The following USP40 variants were observed in gnomAD, a reference collection of about 807,000 sequenced individuals.
The protein encoded by USP40 is ubiquitin carboxyl-terminal hydrolase 40.
A neutral mutation model predicts 166.2 loss-of-function variants in USP40; 143 were observed. The ratio of observed to expected loss-of-function variants is 0.86; its 90% CI spans 0.75 to 0.99. USP40 has a LOEUF of 0.99. Among genes scored for constraint, USP40 ranks in the 50% least tolerant of loss-of-function variants. USP40 has a pLI of 0.00. For synonymous variants in USP40, 498 were observed against 524.0 expected (o/e 0.95, Z 0.68); for missense variants, 1,444 against 1,479.7 (o/e 0.98, Z 0.40).
chr2:233,499,838 T>C lies in USP40; in HGVS notation c.2650+41A>G, dbSNP rs752169199. On this transcript the variant is annotated intron_variant, in intron 22 of 31. Transcript: ENST00000678225. ...AAAAAAAAAGTCAAAAAAATTTTTATTAGGCTTTTAAGTAATATGTCATCA... is the reference window on the plus strand; with the variant it reads ...AAAAAAAAAGTCAAAAAAATTTTTACTAGGCTTTTAAGTAATATGTCATCA... 11 of 1,575,770 alleles carry C rather than the reference T, an allele frequency of 7.0e-6. No individual in the cohort carries two copies. In the South Asian group the frequency reaches 1.3e-4, roughly 19 times the overall value.
chr2:233,485,705 T>G, intron 29 of USP40, 62 bp downstream of exon 29: 1 of 1,602,116 alleles, frequency 6.2e-7, no homozygotes. Context: ...TGTGAAAAAT[T>G]GCATAACCTC....
At chr2:233,479,954 C>G (rs898417948) in intron 31 of USP40, among the ~76,000 whole-genome samples, 2 of 152,186 alleles carry the variant, frequency 1.3e-5, no homozygotes, top group Non-Finnish European at 2.9e-5. Flanking sequence ...CCTCCATCTT[C>G]ACTCAGGGAG....
chr2:233,481,203 C>A lies in USP40; in HGVS notation c.3599G>T (p.Ser1200Ile). ...QKQRALGRRK[S>I]QEALHEQSSY... ...CATCTGTGCAGACCCCAGCAATTAC[C>A]TTTTCCTTCTCCCCAGGGCCCGTTG... is the stretch of plus-strand genomic sequence containing the variant. The change falls in exon 31 of 32, where the codon AGC (serine) becomes ATC (isoleucine). Residue 1200 changes from serine to isoleucine, a missense_variant and splice_region_variant. Physicochemically the swap from Ser to Ile is moderately radical, Grantham distance 142. Coordinates refer to ENST00000678225, the MANE Select transcript of USP40 (RefSeq NM_001365479.2). The A allele has an allele frequency of 6.2e-7, 1 of 1,600,300 alleles. No individual in the cohort carries two copies.
chr2:233,566,153 G>A (rs2072123364), intron 1 of USP40, among the ~76,000 whole-genome samples: 1 of 152,038 alleles, frequency 6.6e-6, no homozygotes, highest in Non-Finnish European at 1.5e-5. Context: ...CAGTTCACTG[G>A]GGAGGGAGGG....
At chr2:233,491,886 T>C (rs1380189990) in intron 25 of USP40, among the ~76,000 whole-genome samples, 1 of 152,228 alleles carries the variant, frequency 6.6e-6, no homozygotes, top group Non-Finnish European at 1.5e-5. Context: ...ATTTAGACTG[T>C]CTTCACTTAT....
chr2:233,543,776 C>T (rs1303441475), intron 8 of USP40, among the ~76,000 whole-genome samples: 2 of 152,212 alleles, frequency 1.3e-5, no homozygotes, highest in African/African-American at 4.8e-5. Context: ...TTACAAATTA[C>T]CCAGCCTAAG....
At position 233,489,231 on chromosome 2, in the gene USP40, G is replaced by A. The variant is rs2065146331; in HGVS notation, c.3131+134C>T. 27 of 811,482 alleles carry A rather than the reference G, an allele frequency of 3.3e-5. No homozygotes were observed. In the South Asian group the frequency reaches 3.7e-4, roughly 11 times the overall value. The allele number at this position is 811,482 out of a possible 1,614,324, so 50.3% of individuals were successfully genotyped here. A position where few individuals can be genotyped will look rare whatever the true frequency, so the allele number is the denominator to read the frequency against. On this transcript the variant is annotated intron_variant, in intron 27 of 31. Coordinates refer to ENST00000678225, the MANE Select transcript of USP40 (RefSeq NM_001365479.2). ...GTTTATGATGAAAAGTGTCACCCAAGTCACAAGCGTGGCATGACCAGGAAT... is the reference window on the plus strand; with the variant it reads ...GTTTATGATGAAAAGTGTCACCCAAATCACAAGCGTGGCATGACCAGGAAT...
intron 22 of USP40, 87 bp from the exon 23 acceptor site, chr2:233,498,699 G>A (rs2065886616): frequency 8.9e-7 from 1 of 1,119,012 alleles, no homozygotes; most frequent in Non-Finnish European, 1.3e-6. Flanking sequence ...CTTGCACCCA[G>A]AGCACCTTAA....
chr2:233,488,159 A>G, intron 28 of USP40, 80 bp downstream of exon 28: 1 of 1,181,408 alleles, frequency 8.5e-7, no homozygotes, highest in Admixed American at 2.0e-5. Context: ...ATGCTACACT[A>G]TGAAGTTGTT....
chr2:233,484,210 C>T (rs980289962), intron 30 of USP40, among the ~76,000 whole-genome samples: 3 of 152,122 alleles, frequency 2.0e-5, no homozygotes, highest in Non-Finnish European at 4.4e-5. Flanking sequence ...CTCTAGTGTA[C>T]GAATTTATGC....
chr2:233,496,301 CAT>C (rs1273034917), intron 24 of USP40, among the ~76,000 whole-genome samples: 1 of 152,230 alleles, frequency 6.6e-6, no homozygotes, highest in Non-Finnish European at 1.5e-5. Flanking sequence ...TGAGCCCTCT[CAT>C]ATGCTACTGC....
chr2:233,526,979 C>T (rs2068074813), intron 13 of USP40, among the ~76,000 whole-genome samples: 1 of 152,178 alleles, frequency 6.6e-6, no homozygotes, highest in South Asian at 2.1e-4. Context: ...AGATACTTTC[C>T]TTCACTTAAG....
At chr2:233,545,197 T>A (rs964533419) in intron 8 of USP40, among the ~76,000 whole-genome samples, 3 of 152,268 alleles carry the variant, frequency 2.0e-5, no homozygotes, top group Non-Finnish European at 4.4e-5. Flanking sequence ...AAGAAAATAA[T>A]AAAATAAGTA....
At chr2:233,515,475 T>G (rs1324477423) in intron 18 of USP40, among the ~76,000 whole-genome samples, 1 of 152,188 alleles carries the variant, frequency 6.6e-6, no homozygotes, top group Non-Finnish European at 1.5e-5. Flanking sequence ...TTCTGAGCAT[T>G]TTTTCCTGTA....
chr2:233,486,938 G>A lies in USP40; in HGVS notation c.3198-961C>T, dbSNP rs2064987773. Among the ~76,000 whole-genome samples, 1 of 152,188 alleles carries A rather than the reference G, an allele frequency of 6.6e-6. No individual in the cohort carries two copies. Among genetic ancestry groups the A allele is most frequent in the Non-Finnish European group, 1.5e-5 (1 of 68,038 alleles). On this transcript the variant is annotated intron_variant, in intron 28 of 31. Coordinates refer to ENST00000678225, the MANE Select transcript of USP40 (RefSeq NM_001365479.2). This position sits in a 1 kb window ranked among gnomAD's most constrained non-coding sequence, Gnocchi z 4.0. ...TGCCAAGGAGGGGACAGAGGCTGCT[G>A]GAGAGAAACAGGAGGGACTAGAGGC... is the stretch of plus-strand genomic sequence containing the variant.
In USP40 at chr2:233,485,833, G is replaced by A. The variant is rs754816736; in HGVS notation, c.3342C>T (p.Pro1114=). The change falls in exon 29 of 32, where the codon CCC becomes CCT. Residue 1114 remains proline, a synonymous_variant. Transcript: ENST00000678225. ...RQRVADFYRL[P]VEKIEIAKYF... is the part of the protein sequence containing the mutation. The stretch of plus-strand genomic sequence containing the variant: ...ATTTGGCAATTTCAATCTTCTCCAC[G>A]GGAAGACGATAGAAATCGGCAACTC... The A allele has an allele frequency of 1.6e-5, 25 of 1,611,594 alleles. No homozygotes were observed. The Middle Eastern group carries it at 6.6e-4, about 43-fold the overall frequency.
chr2:233,540,077 G>A (rs1473338299), intron 10 of USP40, among the ~76,000 whole-genome samples: 3 of 147,830 alleles, frequency 2.0e-5, no homozygotes, highest in African/African-American at 7.5e-5. Flanking sequence ...GTGAGCTGAG[G>A]TCGTGCCGCT....
At chr2:233,489,334 G>C (rs1383600183) in intron 27 of USP40, 31 bp downstream of exon 27, 1 of 1,538,440 alleles carries the variant, frequency 6.5e-7, no homozygotes, top group Admixed American at 1.9e-5. Context: ...GCAGCAGAGA[G>C]GGACAGTGTT....
Position 233,477,376 on chromosome 2 carries a change from C to T in USP40, c.*16G>A. The T allele has an allele frequency of 6.2e-7, 1 of 1,610,782 alleles. No individual in the cohort carries two copies. The highest frequency in any genetic ancestry group is 8.5e-7 in the Non-Finnish European group (1 of 1,177,944). On this transcript the variant is annotated 3_prime_UTR_variant, in exon 32 of 32. Transcript: ENST00000678225. ...GCCGGAGAGTTCATCGGGAGTAGAG[C>T]CGTGCAGCGGCGCGGTTATCTGAAG...
Sources: allele counts gnomAD v4.1 joint callset (sites outside exome capture counted in the v4.1 genomes callset), GRCh38; gene constraint gnomAD v4.1.1; non-coding constraint Gnocchi (gnomAD v3.1); transcripts MANE v1.5; gene names NCBI Gene and HGNC (gene_info 2026-07-23, HGNC 2026-07-21).